RAB1A: variants seen among roughly 807,000 people sequenced by gnomAD.
RAB1A encodes RAB1A, member RAS oncogene family, also known as ras-related protein Rab-1A.
A neutral mutation model predicts 26.0 loss-of-function variants in RAB1A; 2 were observed. That is an observed-to-expected ratio of 0.08 (90% CI 0.03 to 0.24). The LOEUF (loss-of-function observed/expected upper bound fraction) is 0.24. Among genes scored for constraint, RAB1A ranks in the 10% least tolerant of loss-of-function variants. The pLI is 1.00. For missense variants in RAB1A, 100 were observed against 247.0 expected (o/e 0.40, Z 3.99); for synonymous variants, 84 against 84.9 (o/e 0.99, Z 0.06).
At chr2:65,109,939 C>A (rs1669656260) in intron 1 of RAB1A, among the ~76,000 whole-genome samples, 1 of 152,110 alleles carries the variant, frequency 6.6e-6, no homozygotes, top group Admixed American at 6.6e-5. Context: ...GGAAGGTAAG[C>A]TGACTTACTC....
rs1356679950 is a variant in RAB1A, at chr2:65,119,069, TG to T, written c.23+10823del. Among the ~76,000 whole-genome samples, 8 of 151,532 alleles carry T rather than the reference TG, an allele frequency of 5.3e-5. No homozygotes were observed. The East Asian group carries it at 1.6e-3, about 29-fold the overall frequency. On this transcript the variant is annotated intron_variant, in intron 1 of 5. Transcript: ENST00000409784. ...AAAAAAATACAAAAACTGCCAGGCA[TG>T]GGTGTGTGTCTATATTCCTAATTAC...
chr2:65,089,830 G>A (rs1418212566), intron 4 of RAB1A, among the ~76,000 whole-genome samples: 1 of 151,778 alleles, frequency 6.6e-6, no homozygotes, highest in African/African-American at 2.4e-5. Context: ...AGCCTCCCAA[G>A]TGGCTAGGAT....
intron 1 of RAB1A, among the ~76,000 whole-genome samples, chr2:65,114,558 G>A (rs1415142973): frequency 6.6e-6 from 1 of 151,610 alleles, no homozygotes; most frequent in Non-Finnish European, 1.5e-5. Flanking sequence ...AACAGTTTAA[G>A]GGGGGCCGGG....
intron 2 of RAB1A, among the ~76,000 whole-genome samples, chr2:65,102,379 T>C (rs1460314053): frequency 1.3e-5 from 2 of 152,104 alleles, no homozygotes; most frequent in African/African-American, 4.8e-5. Flanking sequence ...TTATACATTA[T>C]TTAATATTTT....
At chr2:65,125,050 C>CAA (rs66712908) in intron 1 of RAB1A, among the ~76,000 whole-genome samples, 65,527 of 129,856 alleles carry the variant, frequency 0.5, 16,710 homozygotes, top group East Asian at 0.68. Flanking sequence ...ACAATGCAAG[C>CAA]AAAAAAAAAA....
At chr2:65,109,877 T>C (rs1229372994) in intron 1 of RAB1A, among the ~76,000 whole-genome samples, 1 of 152,102 alleles carries the variant, frequency 6.6e-6, no homozygotes, top group East Asian at 1.9e-4. Flanking sequence ...CTCGAGAAGT[T>C]TGGGGTCTGT....
At chr2:65,120,517 CT>C (rs1339264535) in intron 1 of RAB1A, among the ~76,000 whole-genome samples, 1 of 149,028 alleles carries the variant, frequency 6.7e-6, no homozygotes, top group African/African-American at 2.5e-5. Context: ...TAAAGCTAAG[CT>C]TTGTCACTCT....
chr2:65,114,708 G>A (rs999263352), intron 1 of RAB1A, among the ~76,000 whole-genome samples: 12 of 152,098 alleles, frequency 7.9e-5, no homozygotes, highest in Non-Finnish European at 1.3e-4. Context: ...AGCCGGGCGC[G>A]GTGGCGGGCG....
intron 1 of RAB1A, among the ~76,000 whole-genome samples, chr2:65,121,755 T>C (rs1669967704): frequency 1.3e-5 from 2 of 152,152 alleles, no homozygotes; most frequent in African/African-American, 4.8e-5. Context: ...AACAAAGGAA[T>C]AGTCTAATTG....
intron 1 of RAB1A, among the ~76,000 whole-genome samples, chr2:65,128,297 T>A (rs1242965163): frequency 1.3e-5 from 2 of 152,100 alleles, no homozygotes; most frequent in African/African-American, 4.8e-5. Flanking sequence ...CTAATAAACA[T>A]ATATATAGCA....
In RAB1A at chr2:65,089,110, A is replaced by G. The variant is rs367796376; in HGVS notation, c.289-40T>C. On this transcript the variant is annotated intron_variant, in intron 4 of 5. Coordinates refer to ENST00000409784, the MANE Select transcript of RAB1A (RefSeq NM_004161.5). ...GAAAGACTGATAATATAGTTCGATA[A>G]TATAGTTCTGGAATAAACAGAAACA... 12 of 1,546,522 alleles carry G rather than the reference A, an allele frequency of 7.8e-6. No individual in the cohort carries two copies. The South Asian group carries it at 1.2e-4, about 15-fold the overall frequency.
intron 1 of RAB1A, among the ~76,000 whole-genome samples, chr2:65,125,501 A>G (rs1414030248): frequency 3.5e-5 from 5 of 141,318 alleles, no homozygotes; most frequent in African/African-American, 1.3e-4. Flanking sequence ...GACTCACTGC[A>G]GCCTCCGCCT....
chr2:65,119,475 C>A (rs1265818188), intron 1 of RAB1A, among the ~76,000 whole-genome samples: 1 of 151,482 alleles, frequency 6.6e-6, no homozygotes, highest in African/African-American at 2.4e-5. Flanking sequence ...CCACTGCACT[C>A]CAGCCTGGGT....
intron 1 of RAB1A, among the ~76,000 whole-genome samples, chr2:65,128,419 T>A (rs188678713): frequency 6.6e-6 from 1 of 152,176 alleles, no homozygotes; most frequent in African/African-American, 2.4e-5. Context: ...CAAGTTCACC[T>A]CCGTTCAACT....
chr2:65,119,524 ACACTCCAGCCTGGG>A (rs942145079), intron 1 of RAB1A, among the ~76,000 whole-genome samples: 4 of 150,092 alleles, frequency 2.7e-5, no homozygotes, highest in Non-Finnish European at 5.9e-5. Flanking sequence ...TCGAGCCACC[ACACTCCAGCCTGGG>A]CGACAGAGCT....
Position 65,114,557 on chromosome 2 carries a change from A to AG in RAB1A, c.24-9752dup, listed in dbSNP as rs201789373. The stretch of plus-strand genomic sequence containing the variant: ...ACTTAATCCCCAATACAACAGTTTA[A>AG]GGGGGGCCGGGCGCGGTGGCTCACG... On this transcript the variant is annotated intron_variant, in intron 1 of 5. Coordinates refer to ENST00000409784, the MANE Select transcript of RAB1A (RefSeq NM_004161.5). Among the ~76,000 whole-genome samples, 269 of 152,274 alleles carry AG rather than the reference A, an allele frequency of 1.8e-3. 8 individuals are homozygous for AG. In the East Asian group the frequency reaches 0.034, roughly 19 times the overall value.
At chr2:65,102,414 C>T (rs965864320) in intron 2 of RAB1A, among the ~76,000 whole-genome samples, 5 of 151,972 alleles carry the variant, frequency 3.3e-5, no homozygotes, top group African/African-American at 1.2e-4. Flanking sequence ...TTAATATCGG[C>T]ACTCATCAGA....
intron 1 of RAB1A, among the ~76,000 whole-genome samples, chr2:65,111,306 G>C (rs921906302): frequency 1.3e-5 from 2 of 150,952 alleles, no homozygotes; most frequent in Non-Finnish European, 1.5e-5. Context: ...AGGCTGCATT[G>C]AGCCAAGATC....
intron 2 of RAB1A, among the ~76,000 whole-genome samples, chr2:65,103,304 A>AAAAAAACAAAACAAAAC (rs1553392769): frequency 3.6e-5 from 4 of 112,534 alleles, no homozygotes; most frequent in Admixed American, 3.1e-4. Flanking sequence ...TGTCTCAAAA[A>AAAAAAACAAAACAAAAC]AAAAAAAAAA....
Sources: gnomAD v4.1 joint callset for allele counts (sites outside exome capture counted in the v4.1 genomes callset) on GRCh38, gnomAD v4.1.1 for gene constraint, MANE v1.5 for transcripts, NCBI Gene and HGNC (gene_info 2026-07-23, HGNC 2026-07-21) for gene names.